SMG5: variants seen among roughly 807,000 people sequenced by gnomAD.
SMG5 encodes SMG5 nonsense mediated mRNA decay factor.
SMG5 carries 53 observed loss-of-function variants against 122.9 expected under a neutral mutation model. The ratio of observed to expected loss-of-function variants is 0.43; its 90% confidence interval spans 0.35 to 0.54. SMG5 has a LOEUF of 0.54. Among genes scored for constraint, SMG5 ranks in the 20% least tolerant of loss-of-function variants. The pLI is 0.01. For synonymous variants in SMG5, 477 were observed against 490.2 expected (o/e 0.97, Z 0.35); for missense variants, 1,153 against 1,285.6 (o/e 0.90, Z 1.58).
At position 156,266,172 on chromosome 1, in the gene SMG5, C is replaced by G; in HGVS notation, c.1464G>C (p.Arg488=). 1 of 1,614,254 alleles carries G rather than the reference C, an allele frequency of 6.2e-7. No individual in the cohort carries two copies. The highest frequency in any genetic ancestry group is 8.5e-7 in the Non-Finnish European group (1 of 1,180,048). ...AGCCACTGTCTGAGCCCTCACTGGC[C>G]CGGGCTGAGTCATGGCTTGAGTCCG... ...FESDSSHDSA[R]ASEGSDSGSD... is the part of the protein sequence containing the mutation. The change falls in exon 12 of 22, where the codon CGG becomes CGC. Residue 488 remains arginine (R), a synonymous_variant. Coordinates refer to ENST00000361813, the MANE Select transcript of SMG5 (RefSeq NM_015327.3).
chr1:156,288,723 C>A, the SMG5 span, among the ~76,000 whole-genome samples: 1 of 152,202 alleles, frequency 6.6e-6, no homozygotes, highest in Non-Finnish European at 1.5e-5. Flanking sequence ...GTCTTCCTGT[C>A]ACTTCTGATT....
intron 1 of SMG5, 83 bp downstream of exon 1, chr1:156,282,524 G>A: frequency 6.8e-7 from 1 of 1,468,870 alleles, no homozygotes; most frequent in Non-Finnish European, 9.2e-7. Flanking sequence ...CCGACACCCG[G>A]GCCCCGCCCG....
rs1322250530 is a variant in SMG5, at chr1:156,268,170, T to C, written c.853A>G (p.Lys285Glu). 2.5e-6 allele frequency: 4 copies of C among 1,614,088 alleles called. No homozygotes were observed. Among genetic ancestry groups the C allele is most frequent in the Non-Finnish European group, 3.4e-6 (4 of 1,180,048 alleles). The change falls in exon 9 of 22, where the codon AAA becomes GAA. Residue 285 changes from lysine to glutamate, a missense_variant. By Grantham distance (56) the Lys-to-Glu change is moderately conservative (BLOSUM62 1). Transcript: ENST00000361813. ...SPGKKRCKDI[K>E]RLLVNFMYLQ... ...TACATAAAGTTCACTAGCAACCTTT[T>C]AATGTCTTTACATCTGAAATGAGAA... is the stretch of plus-strand genomic sequence containing the variant.
At chr1:156,254,865 G>A (rs7552992) in intron 16 of SMG5, among the ~76,000 whole-genome samples, 33,645 of 150,506 alleles carry the variant, frequency 0.22, 3,956 homozygotes, top group Admixed American at 0.32. Flanking sequence ...TAAGGCAGGC[G>A]GATCACCTAA....
chr1:156,285,146 C>T, upstream of SMG5: 2 of 1,483,576 alleles, frequency 1.3e-6, no homozygotes, highest in Admixed American at 2.4e-5. Context: ...AACTAGAAGA[C>T]AGGGGTTTCT....
At chr1:156,265,223 T>TAAA (rs562516659) in intron 12 of SMG5, among the ~76,000 whole-genome samples, 6 of 135,618 alleles carry the variant, frequency 4.4e-5, no homozygotes, top group Admixed American at 7.6e-5. Context: ...ACCCTGTCTT[T>TAAA]AAAAAAAAAA....
rs1012133622 is a variant in SMG5 at position 156,277,363 on chromosome 1, G to A, written c.298-122C>T. ...CATCTACATCTACTCTCACTCACAA[G>A]TTACTGTCATACTCTTAGCTCTAAC... On this transcript the variant is annotated intron_variant, in intron 3 of 21. Coordinates refer to ENST00000361813, the MANE Select transcript of SMG5 (RefSeq NM_015327.3). The A allele has an allele frequency of 4.5e-6, 5 of 1,112,100 alleles. No individual in the cohort carries two copies. The South Asian group carries it at 6.5e-5, about 14-fold the overall frequency. 68.9% of individuals were successfully genotyped at this position (1,112,100 alleles called of 1,614,324 possible).
At chr1:156,282,916 T>TC (rs1255185641), upstream of SMG5, 1 of 543,700 alleles carries the variant, frequency 1.8e-6, no homozygotes, top group African/African-American at 2.0e-5. Flanking sequence ...AAACTCGTTT[T>TC]CCCTCCCGGG....
intron 4 of SMG5, among the ~76,000 whole-genome samples, chr1:156,276,215 C>CA: frequency 6.6e-6 from 1 of 151,658 alleles, no homozygotes; most frequent in South Asian, 2.1e-4. Flanking sequence ...CAACCTCCAC[C>CA]TGCCGGGTTC....
At chr1:156,251,047 A>G (rs371478149) in intron 20 of SMG5, 51 bp from the exon 21 acceptor site, 29 of 1,595,260 alleles carry the variant, frequency 1.8e-5, no homozygotes, top group Admixed American at 3.4e-5. Context: ...GCATTAGCAC[A>G]GCCCAAACAC....
upstream of SMG5, chr1:156,286,474 G>A (rs367552573): frequency 1.9e-6 from 3 of 1,613,944 alleles, no homozygotes; most frequent in African/African-American, 4.0e-5. Context: ...CCGTCTCCCG[G>A]TAAGTTGGGG....
intron 14 of SMG5, among the ~76,000 whole-genome samples, chr1:156,261,005 T>C (rs1299314328): frequency 1.3e-5 from 2 of 152,118 alleles, no homozygotes; most frequent in Non-Finnish European, 2.9e-5. Flanking sequence ...CAAACAAACT[T>C]GGTAGGTCAA....
chr1:156,281,078 A>G (rs565096557), intron 1 of SMG5, among the ~76,000 whole-genome samples: 1 of 152,294 alleles, frequency 6.6e-6, no homozygotes, highest in South Asian at 2.1e-4. Context: ...ATTTATCTTG[A>G]GCAGAGAAAT....
chr1:156,265,644 G>T, intron 12 of SMG5, 137 bp downstream of exon 12: 1 of 1,311,168 alleles, frequency 7.6e-7, no homozygotes, highest in Non-Finnish European at 1.0e-6. Flanking sequence ...AAACTCATGG[G>T]CTACACCACA....
rs765439680 is a variant in SMG5, at chr1:156,259,140, G to C, written c.2307C>G (p.Ile769Met). 1 of 1,592,180 alleles carries C rather than the reference G, an allele frequency of 6.3e-7. No individual in the cohort carries two copies. Among genetic ancestry groups the C allele is most frequent in the East Asian group, 2.2e-5 (1 of 44,546 alleles). ...GGGCGATGAAATGACCAAAGCTGCGGATGCAGCAGATGCGCACCACTGACT... is the reference window on the plus strand; with the variant it reads ...GGGCGATGAAATGACCAAAGCTGCGCATGCAGCAGATGCGCACCACTGACT... ...LEESVVRICC[I>M]RSFGHFIARL... The change falls in exon 16 of 22, where the codon ATC becomes ATG. Residue 769 changes from isoleucine (I) to methionine (M), a missense_variant. Ile to Met is a conservative substitution (Grantham distance 10, BLOSUM62 1). Transcript: ENST00000361813.
chr1:156,277,034 G>A (rs548635133), intron 4 of SMG5, 51 bp downstream of exon 4: 2 of 1,585,674 alleles, frequency 1.3e-6, no homozygotes, highest in Non-Finnish European at 1.7e-6. Context: ...GATAAGGCCA[G>A]AGGTAGAAGC....
chr1:156,252,681 G>C (rs1200080007), intron 18 of SMG5, 177 bp from the exon 19 acceptor site: 6 of 749,312 alleles, frequency 8.0e-6, no homozygotes, highest in Non-Finnish European at 1.3e-5. Flanking sequence ...CAATATACTT[G>C]GCAATTTACC....
At chr1:156,286,705 G>C (rs1270312554), upstream of SMG5, among the ~76,000 whole-genome samples, 1 of 152,248 alleles carries the variant, frequency 6.6e-6, no homozygotes. Flanking sequence ...GCTTTCAGGT[G>C]TCATCTAGAT....
chr1:156,270,039 C>G (rs575003470), intron 7 of SMG5, among the ~76,000 whole-genome samples: 29 of 150,738 alleles, frequency 1.9e-4, no homozygotes, highest in African/African-American at 5.6e-4. Flanking sequence ...GACTCTGTCT[C>G]AAACAAACAA....
Sources: gnomAD v4.1 joint callset for allele counts (sites outside exome capture counted in the v4.1 genomes callset) on GRCh38, gnomAD v4.1.1 for gene constraint, MANE v1.5 for transcripts, NCBI Gene and HGNC (gene_info 2026-07-23, HGNC 2026-07-21) for gene names.